Variants in L3MBTL4 observed in about 807,000 individuals in gnomAD.
L3MBTL4 encodes lethal(3)malignant brain tumor-like protein 4.
Under a neutral mutation model 84.5 loss-of-function variants are expected in L3MBTL4, and 70 were observed. The observed-to-expected ratio is 0.83, with a 90% confidence interval of 0.68 to 1.01. L3MBTL4 has a LOEUF of 1.01. Ranked by LOEUF, L3MBTL4 falls within the 50% of genes least tolerant of loss-of-function variation. The pLI is 0.00. For synonymous variants in L3MBTL4, 274 were observed against 259.8 expected (o/e 1.05, Z -0.52); for missense variants, 715 against 754.8 (o/e 0.95, Z 0.62).
At chr18:6,331,155 TG>T (rs2052012555) in intron 1 of L3MBTL4, among the ~76,000 whole-genome samples, 1 of 151,786 alleles carries the variant, frequency 6.6e-6, no homozygotes, top group African/African-American at 2.4e-5. Context: ...TATTCCTATC[TG>T]GGGATAGAAA....
At chr18:6,285,030 C>T (rs1042503682) in intron 4 of L3MBTL4, among the ~76,000 whole-genome samples, 3 of 152,184 alleles carry the variant, frequency 2.0e-5, no homozygotes, top group African/African-American at 7.2e-5. Flanking sequence ...GCTGACCCAG[C>T]GAGGGGAGTC....
intron 16 of L3MBTL4, among the ~76,000 whole-genome samples, chr18:6,042,147 A>T (rs555294469): frequency 8.5e-5 from 13 of 152,268 alleles, no homozygotes; most frequent in Non-Finnish European, 1.6e-4. Context: ...AATAGAAGCC[A>T]CCAAAGTGAG....
chr18:6,255,371 G>C (rs2048092894), intron 5 of L3MBTL4, among the ~76,000 whole-genome samples: 3 of 152,204 alleles, frequency 2.0e-5, no homozygotes, highest in African/African-American at 7.2e-5. Context: ...CTTCAGATCT[G>C]CTCAACTATT....
intron 14 of L3MBTL4, among the ~76,000 whole-genome samples, chr18:6,101,430 C>T (rs2058823091): frequency 6.6e-6 from 1 of 152,146 alleles, no homozygotes; most frequent in South Asian, 2.1e-4. Flanking sequence ...CCCTAATGAT[C>T]CTTTTAATGT....
intron 1 of L3MBTL4, among the ~76,000 whole-genome samples, chr18:6,413,015 G>T (rs2056034435): frequency 1.3e-5 from 2 of 152,114 alleles, no homozygotes; most frequent in East Asian, 3.9e-4. Flanking sequence ...AGCCCAGGAG[G>T]TTAAGGCTGC....
rs371841950 is a variant in L3MBTL4 at position 6,286,800 on chromosome 18, T to C, written c.127+15103A>G. On this transcript the variant is annotated intron_variant, in intron 4 of 18. Coordinates refer to ENST00000317931, the MANE Select transcript of L3MBTL4 (RefSeq NM_001330559.2). ...CTCCCCACCCACACTGAGTCTCTCT[T>C]AGGCTGAACTCCTGATTGTCGCTCT... 2.0e-4 allele frequency among the ~76,000 whole-genome samples: 31 copies of C among 152,244 alleles called. 1 individual carries two copies. In the East Asian group the frequency reaches 2.7e-3, roughly 13 times the overall value.
At chr18:6,150,872 A>C (rs1223590297) in intron 13 of L3MBTL4, among the ~76,000 whole-genome samples, 3 of 152,236 alleles carry the variant, frequency 2.0e-5, no homozygotes, top group Non-Finnish European at 2.9e-5. Context: ...AAGGCACTCC[A>C]TTCAGAGAAG....
chr18:6,245,146 G>A (rs936680883), intron 5 of L3MBTL4, among the ~76,000 whole-genome samples: 6 of 152,004 alleles, frequency 3.9e-5, no homozygotes, highest in Non-Finnish European at 8.8e-5. Context: ...TGATCTACCC[G>A]CCTTGGCCTC....
At chr18:6,011,767 C>A (rs1386325457) in intron 16 of L3MBTL4, among the ~76,000 whole-genome samples, 1 of 152,196 alleles carries the variant, frequency 6.6e-6, no homozygotes, top group East Asian at 1.9e-4. Flanking sequence ...ATACAACAGA[C>A]CCATTAGACA....
intron 1 of L3MBTL4, among the ~76,000 whole-genome samples, chr18:6,347,274 ATAAC>A (rs1298734274): frequency 1.3e-5 from 2 of 152,006 alleles, no homozygotes; most frequent in African/African-American, 4.8e-5. Flanking sequence ...ATTAGCTACT[ATAAC>A]TAACAATACT....
chr18:6,293,783 T>C (rs1327695127), intron 4 of L3MBTL4, among the ~76,000 whole-genome samples: 4 of 152,192 alleles, frequency 2.6e-5, no homozygotes, highest in African/African-American at 4.8e-5. Flanking sequence ...AATTTAATCA[T>C]GAGGCAGTAT....
intron 16 of L3MBTL4, among the ~76,000 whole-genome samples, chr18:6,077,448 G>A (rs555707963): frequency 1.3e-5 from 2 of 152,010 alleles, no homozygotes; most frequent in African/African-American, 2.4e-5. Context: ...ATATGTTTAC[G>A]TATTGAAAAA....
chr18:6,345,468 A>C (rs886938279), intron 1 of L3MBTL4, among the ~76,000 whole-genome samples: 1 of 152,122 alleles, frequency 6.6e-6, no homozygotes, highest in Admixed American at 6.5e-5. Flanking sequence ...AACTAATTTT[A>C]AAAATTCGGT....
chr18:6,251,923 A>G (rs2047939800), intron 5 of L3MBTL4, among the ~76,000 whole-genome samples: 1 of 152,232 alleles, frequency 6.6e-6, no homozygotes, highest in African/African-American at 2.4e-5. Flanking sequence ...GGAAAGAACA[A>G]TTCAGGTAGA....
At chr18:5,973,958 A>G (rs2052773285) in intron 16 of L3MBTL4, among the ~76,000 whole-genome samples, 1 of 152,214 alleles carries the variant, frequency 6.6e-6, no homozygotes, top group African/African-American at 2.4e-5. Flanking sequence ...ATTAATCAAA[A>G]TGTTCTCTGC....
intron 14 of L3MBTL4, among the ~76,000 whole-genome samples, chr18:6,129,051 G>A (rs550467335): frequency 1.3e-5 from 2 of 152,184 alleles, no homozygotes; most frequent in East Asian, 3.9e-4. Context: ...AATGGGAAAG[G>A]CTACTTCCAA....
At chr18:6,036,808 C>T (rs1298442272) in intron 16 of L3MBTL4, among the ~76,000 whole-genome samples, 5 of 152,148 alleles carry the variant, frequency 3.3e-5, no homozygotes, top group Non-Finnish European at 7.3e-5. Flanking sequence ...TAGGCTGTCT[C>T]TGTGCCAAGG....
intron 1 of L3MBTL4, among the ~76,000 whole-genome samples, chr18:6,403,622 C>T (rs1159285841): frequency 6.6e-6 from 1 of 152,190 alleles, no homozygotes; most frequent in Non-Finnish European, 1.5e-5. Context: ...ATTCACTTTT[C>T]TGACAGTATG....
At chr18:6,377,583 T>G (rs1303650138) in intron 1 of L3MBTL4, among the ~76,000 whole-genome samples, 2 of 152,234 alleles carry the variant, frequency 1.3e-5, no homozygotes, top group Admixed American at 1.3e-4. Flanking sequence ...TTTGGTTTTC[T>G]GTTCCTGTGT....
Sources: allele counts gnomAD v4.1 joint callset (sites outside exome capture counted in the v4.1 genomes callset), GRCh38; gene constraint gnomAD v4.1.1; transcripts MANE v1.5; gene names NCBI Gene and HGNC (gene_info 2026-07-23, HGNC 2026-07-21).